SPMIP2: variants seen among roughly 807,000 people sequenced by gnomAD.
SPMIP2 encodes the protein protein SPMIP2.
chr4:159,010,645 A>G, the SPMIP2 span, among the ~76,000 whole-genome samples: 1 of 152,208 alleles, frequency 6.6e-6, no homozygotes, highest in Non-Finnish European at 1.5e-5. Context: ...ATGCATAACC[A>G]AAAATAATGC....
chr4:159,049,596 T>G, the SPMIP2 span, among the ~76,000 whole-genome samples: 1 of 152,348 alleles, frequency 6.6e-6, no homozygotes, highest in Non-Finnish European at 1.5e-5. Flanking sequence ...TTCCAAAGCT[T>G]CTCTTCTAGC....
At chr4:158,909,158 A>G in the SPMIP2 span, among the ~76,000 whole-genome samples, 4 of 152,162 alleles carry the variant, frequency 2.6e-5, no homozygotes, top group African/African-American at 9.7e-5. Flanking sequence ...GGGCATTACA[A>G]AATATTTGCT....
chr4:158,981,187 C>G, the SPMIP2 span, among the ~76,000 whole-genome samples: 1 of 152,114 alleles, frequency 6.6e-6, no homozygotes, highest in Non-Finnish European at 1.5e-5. Flanking sequence ...ACAAAGCCTC[C>G]AAGAAATATG....
At chr4:159,072,129 C>T in the SPMIP2 span, among the ~76,000 whole-genome samples, 1 of 152,196 alleles carries the variant, frequency 6.6e-6, no homozygotes, top group East Asian at 1.9e-4. Context: ...GCCTGGGCAA[C>T]ATGGCAAAGC....
At chr4:159,025,499 A>G in the SPMIP2 span, among the ~76,000 whole-genome samples, 1 of 152,158 alleles carries the variant, frequency 6.6e-6, no homozygotes, top group Non-Finnish European at 1.5e-5. Flanking sequence ...CTCCAGGAGA[A>G]TAATTTCCAC....
At chr4:159,042,688 A>G in the SPMIP2 span, among the ~76,000 whole-genome samples, 1 of 152,116 alleles carries the variant, frequency 6.6e-6, no homozygotes, top group African/African-American at 2.4e-5. Flanking sequence ...TTTGAGACAG[A>G]GTCTCGCTCT....
At chr4:159,080,125 T>C in the SPMIP2 span, among the ~76,000 whole-genome samples, 27 of 152,202 alleles carry the variant, frequency 1.8e-4, no homozygotes, top group African/African-American at 6.5e-4. Context: ...ACAAAGTGAC[T>C]GTACAGACTT....
chr4:159,015,520 G>T, the SPMIP2 span, among the ~76,000 whole-genome samples: 2 of 152,202 alleles, frequency 1.3e-5, no homozygotes, highest in South Asian at 2.1e-4. Context: ...AACAAGAAAT[G>T]CTGGTGCAAC....
chr4:159,011,002 C>A, the SPMIP2 span, among the ~76,000 whole-genome samples: 1 of 152,086 alleles, frequency 6.6e-6, no homozygotes, highest in Non-Finnish European at 1.5e-5. Context: ...GCAAACATAA[C>A]CACATGATGT....
At chr4:159,020,069 G>A in the SPMIP2 span, among the ~76,000 whole-genome samples, 5 of 151,554 alleles carry the variant, frequency 3.3e-5, no homozygotes, top group Middle Eastern at 3.2e-3. Context: ...GCAGTGAGCC[G>A]AGATTGTGCC....
chr4:158,953,900 T>C, the SPMIP2 span, among the ~76,000 whole-genome samples: 1 of 152,232 alleles, frequency 6.6e-6, no homozygotes, highest in Admixed American at 6.5e-5. Flanking sequence ...TTTGAACAGC[T>C]GTATTTACCC....
chr4:159,022,116 T>C, the SPMIP2 span, among the ~76,000 whole-genome samples: 1 of 152,064 alleles, frequency 6.6e-6, no homozygotes, highest in Non-Finnish European at 1.5e-5. Flanking sequence ...TTTGAAAGAG[T>C]CTGGAAATCC....
chr4:158,915,545 A>G, the SPMIP2 span, among the ~76,000 whole-genome samples: 1 of 152,160 alleles, frequency 6.6e-6, no homozygotes, highest in South Asian at 2.1e-4. Flanking sequence ...ACATCACTGG[A>G]CTGCTAGAGA....
the SPMIP2 span, among the ~76,000 whole-genome samples, chr4:159,047,024 T>C: frequency 6.6e-6 from 1 of 152,208 alleles, no homozygotes; most frequent in Non-Finnish European, 1.5e-5. Flanking sequence ...ACTTTGACCT[T>C]TGGTTGCCTC....
At chr4:158,894,775 T>C in the SPMIP2 span, among the ~76,000 whole-genome samples, 3 of 152,210 alleles carry the variant, frequency 2.0e-5, no homozygotes, top group African/African-American at 7.2e-5. Flanking sequence ...TTACTCTTAG[T>C]CACTTAGCAG....
the SPMIP2 span, among the ~76,000 whole-genome samples, chr4:158,995,910 AT>A: frequency 6.6e-6 from 1 of 150,946 alleles, no homozygotes; most frequent in East Asian, 1.9e-4. Flanking sequence ...CATGGCAGAC[AT>A]TATTATTCAC....
chr4:159,005,155 C>CAGGAGGCAG, the SPMIP2 span, among the ~76,000 whole-genome samples: 2 of 143,310 alleles, frequency 1.4e-5, no homozygotes, highest in African/African-American at 5.2e-5. Flanking sequence ...CCCTTGAACC[C>CAGGAGGCAG]AGGTTGCAGT....
the SPMIP2 span, among the ~76,000 whole-genome samples, chr4:158,949,405 C>T: frequency 6.6e-6 from 1 of 152,188 alleles, no homozygotes. Context: ...TATTTAACAA[C>T]ACTATCTATA....
the SPMIP2 span, among the ~76,000 whole-genome samples, chr4:158,982,602 A>T: frequency 6.6e-6 from 1 of 152,238 alleles, no homozygotes; most frequent in Admixed American, 6.5e-5. Context: ...TGGAAACTGA[A>T]CAATCTGCTC....
Sources: gnomAD v4.1 joint callset for allele counts (sites outside exome capture counted in the v4.1 genomes callset) on GRCh38, gnomAD v4.1.1 for gene constraint, MANE v1.5 for transcripts, NCBI Gene and HGNC (gene_info 2026-07-23, HGNC 2026-07-21) for gene names.